Variants in INPP5D observed in about 807,000 individuals in gnomAD.
INPP5D encodes the protein phosphatidylinositol 3,4,5-trisphosphate 5-phosphatase 1.
Under a neutral mutation model 122.9 loss-of-function variants are expected in INPP5D, and 33 were observed. That is an observed-to-expected ratio of 0.27 (90% confidence interval 0.20 to 0.36). INPP5D has a LOEUF of 0.36. Ranked by LOEUF, INPP5D falls within the 10% of genes least tolerant of loss-of-function variation. The pLI is 1.00. For missense variants in INPP5D, 1,053 were observed against 1,412.7 expected, an observed-to-expected ratio of 0.75 and a Z score of 4.08; for synonymous variants, 584 against 576.2, an observed-to-expected ratio of 1.01 and a Z score of -0.19.
intron 5 of INPP5D, among the ~76,000 whole-genome samples, chr2:233,134,708 C>T (rs1169930311): frequency 2.6e-5 from 4 of 152,082 alleles, no homozygotes; most frequent in Non-Finnish European, 5.9e-5. Flanking sequence ...GAAATGGAGA[C>T]ACGGAAAGGA....
chr2:233,148,818 C>T (rs766000080), intron 9 of INPP5D, among the ~76,000 whole-genome samples: 62 of 152,210 alleles, frequency 4.1e-4, no homozygotes, highest in Non-Finnish European at 8.4e-4. Context: ...TTTAAGACCA[C>T]TATGAAGCCC....
At chr2:233,103,969 A>C (rs1255222562) in intron 2 of INPP5D, among the ~76,000 whole-genome samples, 2 of 129,668 alleles carry the variant, frequency 1.5e-5, no homozygotes, top group African/African-American at 5.9e-5. Flanking sequence ...CGCCTCCCAA[A>C]GTGCTGGGAT....
At position 233,125,822 on chromosome 2, in the gene INPP5D, G is replaced by A; in HGVS notation, c.427G>A (p.Val143Ile). The A allele has an allele frequency of 6.2e-7, 1 of 1,613,908 alleles. No individual in the cohort carries two copies. Among genetic ancestry groups the A allele is most frequent in the South Asian group, 1.1e-5 (1 of 91,052 alleles). ...TGCCAGCTCCTGTGAGGCCAAGGAG[G>A]TTCCTTTTTCAAACGAGAATCCCCG... ...LTASSCEAKE[V>I]PFSNENPRAT... is the part of the protein sequence containing the mutation. Residue 143 changes from valine (V) to isoleucine (I), a missense_variant, in exon 4 of 27, where the codon GTT (valine) becomes ATT (isoleucine). Physicochemically the swap from Val to Ile is conservative, Grantham distance 29 (BLOSUM62 3). This residue lies in a region of INPP5D where 196 missense variants were observed against 175.6 expected (regional missense o/e 1.12). Coordinates refer to ENST00000445964, the MANE Select transcript of INPP5D (RefSeq NM_001017915.3).
intron 23 of INPP5D, 144 bp from the exon 24 acceptor site, chr2:233,195,255 T>A (rs762012016): frequency 5.6e-6 from 7 of 1,260,734 alleles, no homozygotes; most frequent in Non-Finnish European, 5.5e-6. Flanking sequence ...TTAGGAGGCC[T>A]CAGAATCTTG....
intron 1 of INPP5D, among the ~76,000 whole-genome samples, chr2:233,063,051 C>T (rs964276505): frequency 6.6e-6 from 1 of 152,070 alleles, no homozygotes; most frequent in Admixed American, 6.5e-5. Flanking sequence ...ACCCTACCAC[C>T]CTTAGTTTTC....
At chr2:233,199,059 G>C (rs573091574) in intron 25 of INPP5D, among the ~76,000 whole-genome samples, 1 of 152,174 alleles carries the variant, frequency 6.6e-6, no homozygotes, top group Non-Finnish European at 1.5e-5. Context: ...AGTCCAGCCT[G>C]GCCAACGTGG....
chr2:233,099,977 A>T (rs934086953), intron 2 of INPP5D, among the ~76,000 whole-genome samples: 1 of 152,146 alleles, frequency 6.6e-6, no homozygotes, highest in African/African-American at 2.4e-5. Flanking sequence ...TCAAACTCCC[A>T]TTTCTAAAGC....
chr2:233,161,147 A>AATG lies in INPP5D; in HGVS notation c.1138-573_1138-571dup, dbSNP rs975630712. Among the ~76,000 whole-genome samples, 38 of 151,788 alleles carry AATG rather than the reference A, an allele frequency of 2.5e-4. 1 individual carries two copies. The highest frequency in any genetic ancestry group is 2.4e-3 in the Admixed American group (36 of 15,262). ...AGCTCTGTTACCCAGGCTGGAGTGC[A>AATG]ATGATGCGATCCTGGCTCACTGCAA... is the stretch of plus-strand genomic sequence containing the variant. On this transcript the variant is annotated intron_variant, in intron 10 of 26. Transcript: ENST00000445964.
intron 2 of INPP5D, among the ~76,000 whole-genome samples, chr2:233,086,469 G>T (rs544893661): frequency 1.4e-4 from 21 of 151,960 alleles, no homozygotes; most frequent in Admixed American, 3.3e-4. Context: ...GTGAGCCACC[G>T]CACCCAGCCA....
At chr2:233,149,096 G>C (rs1390051582) in intron 9 of INPP5D, among the ~76,000 whole-genome samples, 1 of 138,400 alleles carries the variant, frequency 7.2e-6, no homozygotes, top group African/African-American at 2.8e-5. Flanking sequence ...GGCATGATCA[G>C]CACCTTTTTT....
At chr2:233,123,497 A>C (rs1224156772) in intron 3 of INPP5D, among the ~76,000 whole-genome samples, 1 of 152,038 alleles carries the variant, frequency 6.6e-6, no homozygotes, top group Non-Finnish European at 1.5e-5. Context: ...AGTGTGTGAG[A>C]CTAAGGGTGC....
At chr2:233,117,053 G>A (rs577498208) in intron 2 of INPP5D, among the ~76,000 whole-genome samples, 16 of 152,218 alleles carry the variant, frequency 1.1e-4, no homozygotes, top group Non-Finnish European at 2.1e-4. Flanking sequence ...AGAAATCCAC[G>A]TGTCCGAGGG....
intron 6 of INPP5D, chr2:233,141,728 A>G (rs1007198132): frequency 1.9e-4 from 29 of 152,384 alleles, no homozygotes; most frequent in African/African-American, 7.0e-4. Context: ...TGGCAGGATG[A>G]TATAGAAACT....
chr2:233,194,488 CTTTTTTTTTTTTTTTTT>C (rs544200839), intron 23 of INPP5D, among the ~76,000 whole-genome samples: 1 of 88,712 alleles, frequency 1.1e-5, no homozygotes, highest in East Asian at 3.6e-4. Context: ...TTCTAAACTG[CTTTTTTTTTTTTTTTTT>C]TTTTTTTTTT....
rs2106319566 is a variant in INPP5D at position 233,189,368 on chromosome 2, G to C, written c.2359-482G>C. ...TCCCTAGATAGGGGCAAGCCAGACAGGGGCAGGGCTGGGATGCAGCCACAG... is the reference window on the plus strand; with the variant it reads ...TCCCTAGATAGGGGCAAGCCAGACACGGGCAGGGCTGGGATGCAGCCACAG... On this transcript the variant is annotated intron_variant, in intron 21 of 26. Coordinates refer to ENST00000445964, the MANE Select transcript of INPP5D (RefSeq NM_001017915.3). The surrounding 1 kb of genome is among the most constrained non-coding windows in gnomAD (Gnocchi z 5.6). 6.6e-6 allele frequency among the ~76,000 whole-genome samples: 1 copy of C among 152,362 alleles called. No homozygotes were observed. The highest frequency in any genetic ancestry group is 1.5e-5 in the Non-Finnish European group (1 of 68,026).
intron 3 of INPP5D, 148 bp downstream of exon 3, chr2:233,122,405 G>A: frequency 2.5e-6 from 2 of 795,590 alleles, no homozygotes; most frequent in Non-Finnish European, 1.9e-6. Context: ...CAGGCTCTCT[G>A]GTCAGGCAGA....
intron 1 of INPP5D, among the ~76,000 whole-genome samples, chr2:233,073,498 A>G (rs1365974317): frequency 6.6e-6 from 1 of 151,890 alleles, no homozygotes; most frequent in East Asian, 1.9e-4. Context: ...ACATTAGCCG[A>G]ACATGGTGGC....
chr2:233,145,761 C>T (rs145555157), intron 6 of INPP5D, among the ~76,000 whole-genome samples: 10,096 of 152,038 alleles, frequency 0.066, 605 homozygotes, highest in South Asian at 0.18. Flanking sequence ...ATTTTCTCCT[C>T]TACGTGGAGA....
intron 5 of INPP5D, among the ~76,000 whole-genome samples, chr2:233,132,713 A>C (rs1438764069): frequency 6.6e-6 from 1 of 152,152 alleles, no homozygotes; most frequent in African/African-American, 2.4e-5. Flanking sequence ...ATAGGTCTTC[A>C]TTCATTCGTT....
Sources: allele counts gnomAD v4.1 joint callset (sites outside exome capture counted in the v4.1 genomes callset), GRCh38; gene constraint gnomAD v4.1.1; regional missense constraint gnomAD v4.1.1; non-coding constraint Gnocchi (gnomAD v3.1); transcripts MANE v1.5; gene names NCBI Gene and HGNC (gene_info 2026-07-23, HGNC 2026-07-21).